Variants in EPB41L4A observed in about 807,000 individuals in gnomAD.
The protein encoded by EPB41L4A is band 4.1-like protein 4A.
In EPB41L4A, 100 loss-of-function variants were observed where a neutral mutation model predicts 108.6. That is an observed-to-expected ratio of 0.92 (90% CI 0.78 to 1.09). The LOEUF (loss-of-function observed/expected upper bound fraction) is 1.09, where lower values mean the gene tolerates loss of function less well. Ranked by LOEUF, EPB41L4A falls within the 50% of genes least tolerant of loss-of-function variation. EPB41L4A has a pLI of 0.00. For synonymous variants in EPB41L4A, 319 were observed against 289.0 expected, an observed-to-expected ratio of 1.10 and a Z score of -1.05; for missense variants, 1,030 against 842.7, an observed-to-expected ratio of 1.22 and a Z score of -2.75.
chr5:112,335,615 C>T (rs1467420800), intron 1 of EPB41L4A, among the ~76,000 whole-genome samples: 1 of 152,204 alleles, frequency 6.6e-6, no homozygotes, highest in Non-Finnish European at 1.5e-5. Flanking sequence ...TGGCTCTCCA[C>T]CTCCACAGTC....
chr5:112,214,594 T>G (rs931180798), intron 12 of EPB41L4A, among the ~76,000 whole-genome samples: 2 of 152,098 alleles, frequency 1.3e-5, no homozygotes, highest in African/African-American at 4.8e-5. Context: ...AAACCCCATC[T>G]CTACTAAAAA....
rs566637323 is a variant in EPB41L4A at position 112,349,950 on chromosome 5, G to A, written c.100-42460C>T. ...AACTGCTATAAAAAGTAGTGGCAAA[G>A]ATCATAGGGGCGAAGACGACGACAG... On this transcript the variant is annotated intron_variant, in intron 1 of 22. Transcript: ENST00000261486. Among the ~76,000 whole-genome samples, 17 of 152,284 alleles carry A rather than the reference G, an allele frequency of 1.1e-4. No homozygotes were observed. The South Asian group carries it at 3.5e-3, about 32-fold the overall frequency.
At chr5:112,314,004 C>T (rs1304106067) in intron 1 of EPB41L4A, among the ~76,000 whole-genome samples, 1 of 151,646 alleles carries the variant, frequency 6.6e-6, no homozygotes, top group Non-Finnish European at 1.5e-5. Flanking sequence ...GCTGGGACTA[C>T]AGGTGCCCAC....
At chr5:112,201,223 G>C (rs1762203898) in intron 15 of EPB41L4A, among the ~76,000 whole-genome samples, 2 of 152,134 alleles carry the variant, frequency 1.3e-5, no homozygotes, top group African/African-American at 4.8e-5. Flanking sequence ...GTCCCCAAAA[G>C]AGACCTGTAA....
At chr5:112,305,529 T>C (rs1016668691) in intron 2 of EPB41L4A, among the ~76,000 whole-genome samples, 2 of 152,208 alleles carry the variant, frequency 1.3e-5, no homozygotes, top group East Asian at 3.8e-4. Context: ...CAGGGTTTTT[T>C]TTAAATCCTT....
intron 9 of EPB41L4A, among the ~76,000 whole-genome samples, chr5:112,248,810 C>A (rs1750426564): frequency 1.3e-5 from 2 of 152,108 alleles, no homozygotes; most frequent in South Asian, 4.1e-4. Flanking sequence ...CAGCAGCACA[C>A]CCACTTTTTC....
chr5:112,175,865 A>G (rs1450210101), intron 18 of EPB41L4A, among the ~76,000 whole-genome samples: 2 of 152,000 alleles, frequency 1.3e-5, no homozygotes, highest in African/African-American at 2.4e-5. Context: ...TCCTGGCCTC[A>G]AGCAATCATC....
At position 112,297,547 on chromosome 5, in the gene EPB41L4A, T is replaced by C. The variant is rs191085178; in HGVS notation, c.204+9839A>G. 3.5e-3 allele frequency among the ~76,000 whole-genome samples: 539 copies of C among 152,232 alleles called. 6 individuals are homozygous for C. Among genetic ancestry groups the C allele is most frequent in the African/African-American group, 0.013 (525 of 41,558 alleles). ...CTGGATATTAGTCCCTTGTCAGATATATAGATTGTGAAGATCTTCTCCCAC... is the reference window on the plus strand; with the variant it reads ...CTGGATATTAGTCCCTTGTCAGATACATAGATTGTGAAGATCTTCTCCCAC... On this transcript the variant is annotated intron_variant, in intron 2 of 22. Transcript: ENST00000261486.
At chr5:112,274,049 G>A (rs1752449654) in intron 4 of EPB41L4A, among the ~76,000 whole-genome samples, 1 of 152,004 alleles carries the variant, frequency 6.6e-6, no homozygotes, top group African/African-American at 2.4e-5. Flanking sequence ...AGCACTCTGG[G>A]AGGCCAAGGC....
At chr5:112,265,828 C>T (rs76668814) in intron 5 of EPB41L4A, among the ~76,000 whole-genome samples, 2,351 of 152,314 alleles carry the variant, frequency 0.015, 58 homozygotes, top group African/African-American at 0.053. Context: ...ATGCCACATG[C>T]GGAACCTAGC....
intron 17 of EPB41L4A, among the ~76,000 whole-genome samples, chr5:112,193,583 G>A (rs889272495): frequency 7.9e-5 from 12 of 152,152 alleles, no homozygotes; most frequent in Non-Finnish European, 1.6e-4. Context: ...TTACAGGCGT[G>A]AGCCACCGCA....
At chr5:112,273,295 A>G (rs928471420) in intron 4 of EPB41L4A, among the ~76,000 whole-genome samples, 3 of 152,168 alleles carry the variant, frequency 2.0e-5, no homozygotes, top group African/African-American at 7.2e-5. Context: ...CTGGTCTAAA[A>G]CTTTCAATAC....
At chr5:112,220,138 G>A (rs1265055069) in intron 12 of EPB41L4A, among the ~76,000 whole-genome samples, 2 of 152,058 alleles carry the variant, frequency 1.3e-5, no homozygotes, top group Non-Finnish European at 2.9e-5. Flanking sequence ...TTTGATTTTC[G>A]ATGCTGTGAA....
Position 112,275,392 on chromosome 5 carries a change from T to G in EPB41L4A, c.269A>C (p.Tyr90Ser). ...HKELINTGPP[Y>S]TLYFGIKFYA... is the part of the protein sequence containing the mutation. ...GAATTTAATACCAAAATACAAAGTA[T>G]ATGGAGGTCCAGCTAAAATAAGAAA... The change falls in exon 4 of 23, where the codon TAT (tyrosine) becomes TCT (serine). Residue 90 changes from tyrosine to serine, a missense_variant. Physicochemically the swap from Tyr to Ser is moderately radical, Grantham distance 144 (BLOSUM62 -2). Coordinates refer to ENST00000261486, the MANE Select transcript of EPB41L4A (RefSeq NM_022140.5). 1 of 1,541,376 alleles carries G rather than the reference T, an allele frequency of 6.5e-7. No individual in the cohort carries two copies. The highest frequency in any genetic ancestry group is 8.8e-7 in the Non-Finnish European group (1 of 1,138,872).
intron 1 of EPB41L4A, among the ~76,000 whole-genome samples, chr5:112,400,335 T>A (rs1761660871): frequency 7.0e-6 from 1 of 142,672 alleles, no homozygotes; most frequent in African/African-American, 3.0e-5. Flanking sequence ...GGATTACAAT[T>A]CGAGGTGAGA....
At chr5:112,252,378 T>C (rs1478238001) in intron 9 of EPB41L4A, among the ~76,000 whole-genome samples, 1 of 152,128 alleles carries the variant, frequency 6.6e-6, no homozygotes, top group African/African-American at 2.4e-5. Context: ...GATCATTTCC[T>C]AGTCAAAGGA....
intron 15 of EPB41L4A, among the ~76,000 whole-genome samples, chr5:112,204,011 C>G (rs1762344875): frequency 1.3e-5 from 2 of 151,578 alleles, no homozygotes; most frequent in African/African-American, 4.8e-5. Flanking sequence ...TGCACTCCAG[C>G]CTAGGCAACA....
intron 9 of EPB41L4A, among the ~76,000 whole-genome samples, chr5:112,251,563 A>T (rs1409098379): frequency 1.3e-5 from 2 of 152,186 alleles, no homozygotes; most frequent in Non-Finnish European, 2.9e-5. Flanking sequence ...TTTAGGAAAG[A>T]AAGAATGAAG....
At chr5:112,157,637 T>C (rs994501084), downstream of EPB41L4A, among the ~76,000 whole-genome samples, 13 of 152,306 alleles carry the variant, frequency 8.5e-5, no homozygotes, top group African/African-American at 2.9e-4. Context: ...GCCCCTCTCA[T>C]GTCTATTTCT....
Sources: allele counts gnomAD v4.1 joint callset (sites outside exome capture counted in the v4.1 genomes callset), GRCh38; gene constraint gnomAD v4.1.1; transcripts MANE v1.5; gene names NCBI Gene and HGNC (gene_info 2026-07-23, HGNC 2026-07-21).